TTC28: variants seen among roughly 807,000 people sequenced by gnomAD.
TTC28 encodes the protein tetratricopeptide repeat domain 28.
A neutral mutation model predicts 198.0 loss-of-function variants in TTC28; 61 were observed. The observed-to-expected ratio is 0.31, with a 90% CI of 0.25 to 0.38. TTC28 has a LOEUF of 0.38. Ranked by LOEUF, TTC28 falls within the 10% of genes least tolerant of loss-of-function variation. TTC28 has a pLI of 1.00. For missense variants in TTC28, 2,678 were observed against 3,164.0 expected, an observed-to-expected ratio of 0.85 and a Z score of 3.69; for synonymous variants, 1,171 against 1,297.8, an observed-to-expected ratio of 0.90 and a Z score of 2.10.
intron 2 of TTC28, among the ~76,000 whole-genome samples, chr22:28,439,896 C>T (rs774848037): frequency 1.3e-5 from 2 of 151,884 alleles, no homozygotes; most frequent in Non-Finnish European, 2.9e-5. Flanking sequence ...AGTGCAATGG[C>T]GTGATCTCGG....
intron 2 of TTC28, among the ~76,000 whole-genome samples, chr22:28,619,998 G>GA (rs1458547884): frequency 3.9e-5 from 6 of 152,054 alleles, no homozygotes; most frequent in Admixed American, 6.6e-5. Context: ...AATTTACAAT[G>GA]AAAAAAACCA....
intron 12 of TTC28, among the ~76,000 whole-genome samples, chr22:28,082,030 G>A (rs1217743394): frequency 6.6e-6 from 1 of 152,100 alleles, no homozygotes; most frequent in Non-Finnish European, 1.5e-5. Flanking sequence ...AAGTGGGATT[G>A]TTTTCTGAAT....
At chr22:28,648,130 A>C (rs2051502294) in intron 1 of TTC28, among the ~76,000 whole-genome samples, 1 of 150,660 alleles carries the variant, frequency 6.6e-6, no homozygotes, top group African/African-American at 2.4e-5. Context: ...AGGCTGAGGC[A>C]GGAGAATGTC....
chr22:28,650,926 T>C (rs1383663181), intron 1 of TTC28, among the ~76,000 whole-genome samples: 1 of 152,168 alleles, frequency 6.6e-6, no homozygotes, highest in Non-Finnish European at 1.5e-5. Context: ...AGTCAGCAAA[T>C]GTTAGGTGTG....
intron 13 of TTC28, among the ~76,000 whole-genome samples, chr22:28,023,647 G>A (rs539415544): frequency 2.0e-4 from 30 of 152,366 alleles, no homozygotes; most frequent in African/African-American, 6.7e-4. Flanking sequence ...AGCTGGATTA[G>A]TCAGAGTTGT....
intron 3 of TTC28, among the ~76,000 whole-genome samples, chr22:28,299,255 C>A (rs1316952294): frequency 6.7e-6 from 1 of 149,350 alleles, no homozygotes; most frequent in Non-Finnish European, 1.5e-5. Flanking sequence ...AAAAAAAAAA[C>A]TATAAAAGGG....
chr22:28,145,743 A>G (rs1271913167), intron 6 of TTC28, among the ~76,000 whole-genome samples: 1 of 152,166 alleles, frequency 6.6e-6, no homozygotes, highest in Non-Finnish European at 1.5e-5. Context: ...TTCTTTTAGC[A>G]CTTGGTTTTG....
chr22:27,992,921 C>T (rs1937466850), intron 18 of TTC28: 1 of 566,182 alleles, frequency 1.8e-6, no homozygotes, highest in Non-Finnish European at 3.1e-6. Context: ...CCAGGCAGCA[C>T]CACCCCTAGT....
At chr22:28,312,600 C>T (rs1039734530) in intron 2 of TTC28, among the ~76,000 whole-genome samples, 1 of 152,140 alleles carries the variant, frequency 6.6e-6, no homozygotes, top group African/African-American at 2.4e-5. Context: ...ACAACCTGCT[C>T]CTGAATAACT....
At chr22:28,524,988 C>T (rs2048979539) in intron 2 of TTC28, among the ~76,000 whole-genome samples, 1 of 152,006 alleles carries the variant, frequency 6.6e-6, no homozygotes, top group Admixed American at 6.5e-5. Context: ...ATTTCAATAA[C>T]CATAAAATGT....
intron 2 of TTC28, among the ~76,000 whole-genome samples, chr22:28,601,969 A>C (rs1196071959): frequency 2.0e-5 from 3 of 152,206 alleles, no homozygotes; most frequent in African/African-American, 7.2e-5. Flanking sequence ...AGACACAAGC[A>C]CAAAAATATT....
chr22:28,262,733 C>G (rs1931411395), intron 5 of TTC28, among the ~76,000 whole-genome samples: 1 of 152,168 alleles, frequency 6.6e-6, no homozygotes, highest in Admixed American at 6.6e-5. Flanking sequence ...GTGACTGACT[C>G]TCTCATTTAT....
intron 2 of TTC28, among the ~76,000 whole-genome samples, chr22:28,566,079 A>G (rs1375492554): frequency 6.8e-6 from 1 of 147,470 alleles, no homozygotes; most frequent in African/African-American, 2.4e-5. Flanking sequence ...AGCAGAGGAA[A>G]CAAATGGGCT....
At chr22:28,187,913 A>G (rs973418651) in intron 5 of TTC28, among the ~76,000 whole-genome samples, 2 of 152,266 alleles carry the variant, frequency 1.3e-5, no homozygotes, top group African/African-American at 2.4e-5. Context: ...GGCAGAATCT[A>G]GATTTACATT....
chr22:28,512,527 T>C (rs528010899), intron 2 of TTC28, among the ~76,000 whole-genome samples: 1 of 152,266 alleles, frequency 6.6e-6, no homozygotes, highest in African/African-American at 2.4e-5. Context: ...AATCAACCTA[T>C]ATGCCCACCA....
intron 6 of TTC28, among the ~76,000 whole-genome samples, chr22:28,133,785 C>T (rs973293963): frequency 6.6e-6 from 1 of 152,240 alleles, no homozygotes; most frequent in African/African-American, 2.4e-5. Context: ...CCTCTGGGGG[C>T]AGGGCATAGC....
At chr22:28,151,451 T>G (rs1943606765) in intron 6 of TTC28, among the ~76,000 whole-genome samples, 1 of 152,202 alleles carries the variant, frequency 6.6e-6, no homozygotes, top group African/African-American at 2.4e-5. Flanking sequence ...GACCAAAATT[T>G]ACTGCCCCGT....
chr22:28,661,197 T>A (rs971075588), intron 1 of TTC28, among the ~76,000 whole-genome samples: 1 of 151,926 alleles, frequency 6.6e-6, no homozygotes, highest in Non-Finnish European at 1.5e-5. Context: ...GGCAGGAGAA[T>A]CCCTTGAACC....
In TTC28 at chr22:28,053,897, T is replaced by C. The variant is rs376734982; in HGVS notation, c.3933-23531A>G. Among the ~76,000 whole-genome samples the C allele has an allele frequency of 1.6e-4, 24 of 152,326 alleles. No individual in the cohort carries two copies. The East Asian group carries it at 2.5e-3, about 16-fold the overall frequency. ...CCTTTAGAGCAAAAAATAATGACTG[T>C]TCCTGGCCACTTTTGCTTTTAAGGT... On this transcript the variant is annotated intron_variant, in intron 12 of 22. Transcript: ENST00000397906.
Sources: gnomAD v4.1 joint callset for allele counts (sites outside exome capture counted in the v4.1 genomes callset) on GRCh38, gnomAD v4.1.1 for gene constraint, MANE v1.5 for transcripts, NCBI Gene and HGNC (gene_info 2026-07-23, HGNC 2026-07-21) for gene names.